The following SV2B variants were observed in gnomAD, a reference collection of about 807,000 sequenced individuals.
SV2B encodes the protein solute carrier family 22 member B2.
In SV2B, 41 loss-of-function variants were observed where a neutral mutation model predicts 73.9. The observed-to-expected ratio is 0.56, with a 90% CI of 0.43 to 0.72. The LOEUF (loss-of-function observed/expected upper bound fraction) is 0.72, where lower values mean the gene tolerates loss of function less well. Among genes scored for constraint, SV2B ranks in the 30% least tolerant of loss-of-function variants. SV2B has a pLI of 0.00. For synonymous variants in SV2B, 314 were observed against 314.2 expected (o/e 1.00, Z 0.01); for missense variants, 764 against 857.8 (o/e 0.89, Z 1.37).
chr15:91,245,118 G>A lies in SV2B; in HGVS notation c.452-6701G>A, dbSNP rs7179469. On this transcript the variant is annotated intron_variant, in intron 2 of 12. Transcript: ENST00000394232. The surrounding 1 kb of genome is among the most constrained non-coding windows in gnomAD (Gnocchi z 4.2). The stretch of plus-strand genomic sequence containing the variant: ...TGGTACATCTTATCCTGCTGCCTCT[G>A]GTGTGGAGAGGAAATCTTCTGTCTG... Among the ~76,000 whole-genome samples the A allele has an allele frequency of 0.28, 42,138 of 152,144 alleles. 8,096 individuals are homozygous for A. The highest frequency in any genetic ancestry group is 0.55 in the African/African-American group (22,799 of 41,478).
intron 1 of SV2B, among the ~76,000 whole-genome samples, chr15:91,189,201 G>A (rs147473035): frequency 8.6e-5 from 13 of 150,678 alleles, no homozygotes; most frequent in Non-Finnish European, 1.8e-4. Context: ...ACTACATTTT[G>A]TTCATGGCAC....
intron 4 of SV2B, among the ~76,000 whole-genome samples, chr15:91,255,007 G>T (rs2047632480): frequency 1.3e-5 from 2 of 152,194 alleles, no homozygotes. Flanking sequence ...GAAGGGTTTA[G>T]ATCCACTTCC....
chr15:91,190,230 TTTATC>T (rs1388433066), intron 1 of SV2B, among the ~76,000 whole-genome samples: 21 of 152,330 alleles, frequency 1.4e-4, no homozygotes, highest in African/African-American at 5.0e-4. Flanking sequence ...ATGTTCATCT[TTTATC>T]TATCTACCTT....
chr15:91,256,218 C>T (rs2047685054), intron 4 of SV2B, among the ~76,000 whole-genome samples: 1 of 152,176 alleles, frequency 6.6e-6, no homozygotes, highest in African/African-American at 2.4e-5. Context: ...AGAACAATCC[C>T]TTCCTCCAAA....
At chr15:91,198,286 T>C (rs2045326518) in intron 1 of SV2B, among the ~76,000 whole-genome samples, 1 of 152,180 alleles carries the variant, frequency 6.6e-6, no homozygotes, top group African/African-American at 2.4e-5. Context: ...CTCTTCAAAT[T>C]TCTGTATTTG....
At chr15:91,271,040 G>A (rs1266050875) in intron 9 of SV2B, among the ~76,000 whole-genome samples, 19 of 144,664 alleles carry the variant, frequency 1.3e-4, no homozygotes, top group African/African-American at 3.3e-4. Context: ...GGAGGACGGT[G>A]AGTCCTGTGG....
intron 1 of SV2B, among the ~76,000 whole-genome samples, chr15:91,101,537 C>T (rs556909695): frequency 6.6e-6 from 1 of 152,094 alleles, no homozygotes; most frequent in African/African-American, 2.4e-5. Context: ...GAGAAGCACT[C>T]GTAATCAGGA....
rs1030172029 is a variant in SV2B, at chr15:91,118,245, CT to C, written c.-392+17883del. On this transcript the variant is annotated intron_variant, in intron 1 of 12. Coordinates refer to ENST00000394232, the MANE Select transcript of SV2B (RefSeq NM_001323032.3). This position sits in a 1 kb window ranked among gnomAD's most constrained non-coding sequence, Gnocchi z 4.7. ...GCTGGGTGTTTGCTGATCCATGGTT[CT>C]GGTGGAATGGAGTCTACTATTCAGG... is the stretch of plus-strand genomic sequence containing the variant. Among the ~76,000 whole-genome samples the C allele has an allele frequency of 1.3e-5, 2 of 152,064 alleles. No homozygotes were observed. The highest frequency in any genetic ancestry group is 4.8e-5 in the African/African-American group (2 of 41,402).
rs1231991299 is a variant in SV2B, at chr15:91,300,165, GT to G, written c.*7617del. The G allele has an allele frequency of 2.6e-5, 4 of 152,178 alleles. No homozygotes were observed. Among genetic ancestry groups the G allele is most frequent in the Non-Finnish European group, 5.9e-5 (4 of 68,030 alleles). 9.4% of individuals were successfully genotyped at this position (152,178 alleles called of 1,614,324 possible). On this transcript the variant is annotated 3_prime_UTR_variant, in exon 13 of 13. Transcript: ENST00000394232. ...GTGCTAAGTAGTTAGAGATTTGGCA[GT>G]TTTGCCACATTTCAAATGGGCCAAA... is the stretch of plus-strand genomic sequence containing the variant.
rs80029675 is a variant in SV2B at position 91,298,108 on chromosome 15, C to T, written c.*5556C>T. 1,870 of 152,310 alleles carry T rather than the reference C, an allele frequency of 0.012. 27 individuals are homozygous for T. The highest frequency in any genetic ancestry group is 0.038 in the African/African-American group (1,560 of 41,548). The allele number at this position is 152,310 out of a possible 1,614,324, so 9.4% of individuals were successfully genotyped here. ...CTGACCTGCAGACAGTCCACCTGAA[C>T]GTGCCTGGAAATGTCTCCCGAAAAG... On this transcript the variant is annotated 3_prime_UTR_variant, in exon 13 of 13. Transcript: ENST00000394232. This position sits in a 1 kb window ranked among gnomAD's most constrained non-coding sequence, Gnocchi z 5.4.
chr15:91,259,377 C>A (rs1450193949), intron 5 of SV2B, among the ~76,000 whole-genome samples: 2 of 152,142 alleles, frequency 1.3e-5, no homozygotes, highest in African/African-American at 4.8e-5. Context: ...GCTCTTCCAG[C>A]CCCAATCTGC....
At chr15:91,199,850 C>T (rs1009845553) in intron 1 of SV2B, among the ~76,000 whole-genome samples, 4 of 152,122 alleles carry the variant, frequency 2.6e-5, no homozygotes, top group Admixed American at 6.5e-5. Context: ...GCAAACATAC[C>T]GCTGTTGGGG....
rs1188142079 is a variant in SV2B at position 91,290,291 on chromosome 15, A to C, written c.1868+611A>C. On this transcript the variant is annotated intron_variant, in intron 12 of 12. Coordinates refer to ENST00000394232, the MANE Select transcript of SV2B (RefSeq NM_001323032.3). The surrounding 1 kb of genome is among the most constrained non-coding windows in gnomAD (Gnocchi z 4.7). ...AAAAAGGAATGTGAAGAGGTAAGGA[A>C]GGTGGGTAAATGAAATTCTGCAAAA... 2.6e-5 allele frequency among the ~76,000 whole-genome samples: 4 copies of C among 152,200 alleles called. No individual in the cohort carries two copies. In the East Asian group the frequency reaches 7.7e-4, roughly 29 times the overall value.
intron 1 of SV2B, among the ~76,000 whole-genome samples, chr15:91,145,311 G>T (rs74381521): frequency 6.6e-6 from 1 of 152,134 alleles, no homozygotes; most frequent in African/African-American, 2.4e-5. Flanking sequence ...TCCTGAAAAG[G>T]ATATGACCCC....
intron 1 of SV2B, among the ~76,000 whole-genome samples, chr15:91,143,709 T>G (rs2043064683): frequency 6.6e-6 from 1 of 152,260 alleles, no homozygotes; most frequent in African/African-American, 2.4e-5. Flanking sequence ...TTTTCTGGAA[T>G]AGATGATTCT....
At position 91,230,877 on chromosome 15, in the gene SV2B, C is replaced by G. The variant is rs1350349865; in HGVS notation, c.451+4163C>G. 2.6e-5 allele frequency among the ~76,000 whole-genome samples: 4 copies of G among 152,116 alleles called. 1 individual carries two copies. Among genetic ancestry groups the G allele is most frequent in the Admixed American group, 1.3e-4 (2 of 15,270 alleles). On this transcript the variant is annotated intron_variant, in intron 2 of 12. Coordinates refer to ENST00000394232, the MANE Select transcript of SV2B (RefSeq NM_001323032.3). ...CATGCAATGCAACATTCAGCCTTATCACTTTTATTCAGATAGGAAGGAAAC... is the reference window on the plus strand; with the variant it reads ...CATGCAATGCAACATTCAGCCTTATGACTTTTATTCAGATAGGAAGGAAAC...
chr15:91,198,802 T>C (rs574448900), intron 1 of SV2B, among the ~76,000 whole-genome samples: 1 of 152,308 alleles, frequency 6.6e-6, no homozygotes, highest in African/African-American at 2.4e-5. Context: ...GAACTTGGCC[T>C]CGACCCAGAG....
chr15:91,247,598 G>A (rs2047288665), intron 2 of SV2B, among the ~76,000 whole-genome samples: 1 of 152,168 alleles, frequency 6.6e-6, no homozygotes, highest in Non-Finnish European at 1.5e-5. Context: ...CTTAAGAGAG[G>A]CCCTGGCTGG....
In SV2B at chr15:91,289,123, T is replaced by C. The variant is rs2048956639; in HGVS notation, c.1709-398T>C. Among the ~76,000 whole-genome samples the C allele has an allele frequency of 1.3e-5, 2 of 152,208 alleles. No homozygotes were observed. The highest frequency in any genetic ancestry group is 2.9e-5 in the Non-Finnish European group (2 of 68,034). ...AGCACAGATCTCTTTGACATCCTGGTTTCAAATCAAGACTGAGGTTTTTGT... is the reference window on the plus strand; with the variant it reads ...AGCACAGATCTCTTTGACATCCTGGCTTCAAATCAAGACTGAGGTTTTTGT... On this transcript the variant is annotated intron_variant, in intron 11 of 12. Coordinates refer to ENST00000394232, the MANE Select transcript of SV2B (RefSeq NM_001323032.3). The surrounding 1 kb of genome is among the most constrained non-coding windows in gnomAD (Gnocchi z 4.9).
Sources: gnomAD v4.1 joint callset for allele counts (sites outside exome capture counted in the v4.1 genomes callset) on GRCh38, gnomAD v4.1.1 for gene constraint, Gnocchi (gnomAD v3.1) non-coding constraint, MANE v1.5 for transcripts, NCBI Gene and HGNC (gene_info 2026-07-23, HGNC 2026-07-21) for gene names.